Variants in ZNF185 observed in about 807,000 individuals in gnomAD.
ZNF185 encodes the protein zinc finger protein 185.
ZNF185 carries 56 observed loss-of-function variants against 58.6 expected under a neutral mutation model. The ratio of observed to expected loss-of-function variants is 0.95; its 90% CI spans 0.77 to 1.19. The LOEUF is 1.19. Among genes scored for constraint, ZNF185 ranks in the 50% most tolerant of loss-of-function variants. The pLI is 0.00. For synonymous variants in ZNF185, 230 were observed against 215.9 expected (o/e 1.07, Z -0.57); for missense variants, 627 against 573.5 (o/e 1.09, Z -0.95).
chrX:152,907,149 T>C, the ZNF185 span, among the ~76,000 whole-genome samples: 5 of 111,367 alleles, frequency 4.5e-5, no homozygotes, highest in Non-Finnish European at 9.4e-5. Context: ...GAGGGAGTCT[T>C]TTCTCCTGCC....
Position 152,941,788 on chromosome X carries a change from G to C in ZNF185, c.1212-3479G>C. On this transcript the variant is annotated intron_variant, in intron 15 of 22. Coordinates refer to ENST00000449285, the Ensembl canonical transcript of ZNF185. ...GTGCCGGCCGCCAGAGGTCGCCCGA[G>C]GATCACGAATGGGCCCGAGGAGCTG... 2.6e-6 allele frequency: 3 copies of C among 1,164,216 alleles called. No homozygotes were observed. In the African/African-American group the frequency reaches 5.3e-5, roughly 21 times the overall value.
intron 16 of ZNF185, among the ~76,000 whole-genome samples, chrX:152,958,653 A>G (rs2049104916): frequency 9.4e-6 from 1 of 106,920 alleles, no homozygotes; most frequent in Non-Finnish European, 1.9e-5. Flanking sequence ...AATCTCTGGA[A>G]CCCGGGAGGC....
chrX:152,943,759 A>T (rs1006545282), intron 15 of ZNF185, among the ~76,000 whole-genome samples: 4 of 112,786 alleles, frequency 3.5e-5, no homozygotes, highest in African/African-American at 1.3e-4. Flanking sequence ...GGTGAGGGCA[A>T]CCTCTACTAG....
intron 15 of ZNF185, among the ~76,000 whole-genome samples, chrX:152,943,563 C>T (rs2047475524): frequency 2.7e-5 from 3 of 112,686 alleles, no homozygotes; most frequent in Non-Finnish European, 5.6e-5. Flanking sequence ...CATTGTCCAG[C>T]AGAGCTTCCT....
chrX:152,918,080 G>A lies in ZNF185; in HGVS notation c.357G>A (p.Val119=), dbSNP rs782325027. The A allele has an allele frequency of 4.2e-6, 5 of 1,189,942 alleles. No homozygotes were observed. In the East Asian group the frequency reaches 1.5e-4, roughly 37 times the overall value. Residue 119 remains valine (V), a synonymous_variant, in exon 6 of 23, where the codon GTG becomes GTA. Coordinates refer to ENST00000449285, the Ensembl canonical transcript of ZNF185. ...TCCTCTCTAGTGCTGCCAGTCTGGTGAGAACAGCTAACGCTGGTCCTCCCC... is the reference window on the plus strand; with the variant it reads ...TCCTCTCTAGTGCTGCCAGTCTGGTAAGAACAGCTAACGCTGGTCCTCCCC...
chrX:152,937,580 C>T (rs933668335), intron 14 of ZNF185, among the ~76,000 whole-genome samples: 3 of 112,014 alleles, frequency 2.7e-5, no homozygotes, highest in African/African-American at 9.8e-5. Flanking sequence ...TGAGCTGAGC[C>T]AAGCCCCAAG....
At chrX:152,910,325 A>T (rs1936986389), upstream of ZNF185, among the ~76,000 whole-genome samples, 1 of 112,470 alleles carries the variant, frequency 8.9e-6, no homozygotes, top group Non-Finnish European at 1.9e-5. Flanking sequence ...CGTTCATGAC[A>T]GGAAAATTAG....
chrX:152,966,251 C>T (rs910136909), intron 19 of ZNF185, among the ~76,000 whole-genome samples: 1 of 111,279 alleles, frequency 9.0e-6, no homozygotes, highest in Admixed American at 9.5e-5. Flanking sequence ...AAGCAATCCA[C>T]CTGCCTCGGC....
At chrX:152,940,963 T>A (rs1410385023) in intron 15 of ZNF185, among the ~76,000 whole-genome samples, 1 of 112,135 alleles carries the variant, frequency 8.9e-6, no homozygotes. Context: ...TTGAGGCATG[T>A]CTGACCTTCC....
intron 13 of ZNF185, among the ~76,000 whole-genome samples, chrX:152,932,227 G>A (rs1415133006): frequency 8.9e-6 from 1 of 112,717 alleles, no homozygotes; most frequent in East Asian, 2.8e-4. Flanking sequence ...GGCCCCCATA[G>A]AGCATGTAGC....
intron 17 of ZNF185, 45 bp from the exon 20 acceptor site, chrX:152,963,794 C>T (rs2049811790): frequency 8.7e-7 from 1 of 1,148,319 alleles, no homozygotes; most frequent in Non-Finnish European, 1.2e-6. Flanking sequence ...TGGAAGGTGT[C>T]AGCTCCCAGG....
exon 23 of ZNF185, chrX:152,972,416 C>T (rs2050702986): frequency 9.0e-6 from 1 of 110,563 alleles, no homozygotes; most frequent in Non-Finnish European, 1.9e-5. Context: ...TGTGAAATCA[C>T]ACTCTTCCTC....
At chrX:152,970,511 C>T (rs782127034) in exon 22 of ZNF185, 58 of 1,208,633 alleles carry the variant, frequency 4.8e-5, no homozygotes, top group Non-Finnish European at 5.9e-5. Context: ...ACACCATTCA[C>T]TGTGGGAAAT....
At chrX:152,940,419 TGGTGGGGGTGGG>T (rs1295182891) in intron 15 of ZNF185, among the ~76,000 whole-genome samples, 5 of 30,774 alleles carry the variant, frequency 1.6e-4, no homozygotes, top group South Asian at 2.0e-3. Context: ...GCTGGGAGTG[TGGTGGGGGTGGG>T]GGTGGGGGTG....
intron 16 of ZNF185, among the ~76,000 whole-genome samples, chrX:152,953,592 G>A (rs1180158839): frequency 1.8e-5 from 2 of 111,357 alleles, no homozygotes; most frequent in African/African-American, 6.5e-5. Context: ...AGCTACCTGG[G>A]AGGCTGAAGT....
chrX:152,966,144 A>T (rs2050088798), intron 19 of ZNF185, among the ~76,000 whole-genome samples: 1 of 109,987 alleles, frequency 9.1e-6, no homozygotes, highest in African/African-American at 3.3e-5. Context: ...AGTAGCTGGG[A>T]TTACAGGCGC....
intron 15 of ZNF185, chrX:152,941,715 G>C (rs1556889784): frequency 8.6e-7 from 1 of 1,163,894 alleles, no homozygotes. Flanking sequence ...TGAAATGGCC[G>C]CCCGGGACGA....
intron 11 of ZNF185, among the ~76,000 whole-genome samples, chrX:152,924,084 G>A (rs1321902015): frequency 9.0e-6 from 1 of 111,122 alleles, no homozygotes; most frequent in Non-Finnish European, 1.9e-5. Flanking sequence ...GCCCTTATAT[G>A]CTCATCCCTG....
chrX:152,920,641 G>A, intron 8 of ZNF185, 66 bp from the exon 10 acceptor site: 4 of 1,185,404 alleles, frequency 3.4e-6, no homozygotes, highest in Non-Finnish European at 4.6e-6. Flanking sequence ...CTCTGAGGTA[G>A]AGCGGTCTTG....
Sources: gnomAD v4.1 joint callset for allele counts (sites outside exome capture counted in the v4.1 genomes callset) on GRCh38, gnomAD v4.1.1 for gene constraint, MANE v1.5 for transcripts, NCBI Gene and HGNC (gene_info 2026-07-23, HGNC 2026-07-21) for gene names.